The following EPS15L1 variants were observed in gnomAD, a reference collection of about 807,000 sequenced individuals.
The protein encoded by EPS15L1 is epidermal growth factor receptor pathway substrate 15 like 1, also known as epidermal growth factor receptor substrate 15-like 1.
In EPS15L1, 43 loss-of-function variants were observed where a neutral mutation model predicts 117.1. The observed-to-expected ratio is 0.37, with a 90% CI of 0.29 to 0.47. The LOEUF (loss-of-function observed/expected upper bound fraction) is 0.47. Among genes scored for constraint, EPS15L1 ranks in the 20% least tolerant of loss-of-function variants. The pLI is 0.99. For missense variants in EPS15L1, 981 were observed against 1,164.0 expected, an observed-to-expected ratio of 0.84 and a Z score of 2.29; for synonymous variants, 459 against 470.5, an observed-to-expected ratio of 0.98 and a Z score of 0.32.
rs149857110 is a variant in EPS15L1 at position 16,429,017 on chromosome 19, T to C, written c.499-256A>G. Among the ~76,000 whole-genome samples, 947 of 152,238 alleles carry C rather than the reference T, an allele frequency of 6.2e-3. 8 individuals are homozygous for C. Among genetic ancestry groups the C allele is most frequent in the African/African-American group, 0.022 (900 of 41,530 alleles). ...TATAAGATTATAAGTTTAAAGGCTA[T>C]ACTTTAAACTTACCCTGAGTTTCTT... On this transcript the variant is annotated intron_variant, in intron 7 of 23. Transcript: ENST00000455140.
At chr19:16,430,434 A>T (rs2092915959) in intron 7 of EPS15L1, among the ~76,000 whole-genome samples, 2 of 152,082 alleles carry the variant, frequency 1.3e-5, no homozygotes, top group African/African-American at 4.8e-5. Context: ...TGACTTCCCA[A>T]CCACCCTGAA....
chr19:16,377,007 CCA>C, intron 22 of EPS15L1, 113 bp downstream of exon 22: 2 of 1,350,712 alleles, frequency 1.5e-6, no homozygotes, highest in Non-Finnish European at 2.0e-6. Flanking sequence ...CTCTTGCTCC[CCA>C]CACAGGGTCC....
intron 7 of EPS15L1, among the ~76,000 whole-genome samples, chr19:16,433,535 G>C (rs1045729089): frequency 2.6e-5 from 4 of 152,128 alleles, no homozygotes; most frequent in Non-Finnish European, 5.9e-5. Flanking sequence ...GTAATTAATA[G>C]TAGAAAAGAG....
intron 1 of EPS15L1, among the ~76,000 whole-genome samples, chr19:16,462,458 C>T (rs144224124): frequency 0.012 from 1,777 of 152,232 alleles, 34 homozygotes; most frequent in African/African-American, 0.041. Context: ...GCCAGGAGTT[C>T]GAGACCAGCC....
In EPS15L1 at chr19:16,393,979, G is replaced by A. The variant is rs1192116962; in HGVS notation, c.1938C>T (p.Pro646=). The change falls in exon 18 of 24, where the codon CCC becomes CCT. Residue 646 remains proline (P), a synonymous_variant. Coordinates refer to ENST00000455140, the MANE Select transcript of EPS15L1 (RefSeq NM_001258374.3). ...TTGAAGTTGTCTGCTGTTCTGCAAA[G>A]GGGTCATTCTGGAACGGGTCGCCTG... is the stretch of plus-strand genomic sequence containing the variant. ...PFKGDPFQND[P]FAEQQTTSTD... is the part of the protein sequence containing the mutation. 5 of 1,614,100 alleles carry A rather than the reference G, an allele frequency of 3.1e-6. No homozygotes were observed. The East Asian group carries it at 8.9e-5, about 29-fold the overall frequency.
chr19:16,397,268 T>A (rs962331657), intron 16 of EPS15L1, among the ~76,000 whole-genome samples: 1 of 151,938 alleles, frequency 6.6e-6, no homozygotes, highest in African/African-American at 2.4e-5. Flanking sequence ...TTTTGTATTT[T>A]TAGTAGAGAT....
intron 18 of EPS15L1, 130 bp from the exon 19 acceptor site, chr19:16,392,570 A>G: frequency 1.1e-6 from 1 of 908,688 alleles, no homozygotes. Context: ...GACGGAAAAC[A>G]GGATAATGGT....
At chr19:16,463,388 C>A (rs534131861) in intron 1 of EPS15L1, among the ~76,000 whole-genome samples, 3 of 152,144 alleles carry the variant, frequency 2.0e-5, no homozygotes, top group Non-Finnish European at 4.4e-5. Context: ...TCCTTTCACC[C>A]CCAGCCCTTT....
At chr19:16,428,553 A>AAAGGAAAAGAAAGGAAAAGG in intron 8 of EPS15L1, 149 bp downstream of exon 8, 1 of 471,358 alleles carries the variant, frequency 2.1e-6, no homozygotes, top group Non-Finnish European at 3.8e-6. Context: ...GACAGAAAAG[A>AAAGGAAAAGAAAGGAAAAGG]AAGGAAAAGA....
chr19:16,459,085 GTATCTAAACA>G (rs1169162254), intron 1 of EPS15L1, among the ~76,000 whole-genome samples: 1 of 152,200 alleles, frequency 6.6e-6, no homozygotes, highest in Non-Finnish European at 1.5e-5. Context: ...AAGTAGCTGC[GTATCTAAACA>G]TATCTAAACA....
rs756259479 is a variant in EPS15L1 at position 16,462,125 on chromosome 19, G to T, written c.33+9788C>A. Among the ~76,000 whole-genome samples, 11 of 152,312 alleles carry T rather than the reference G, an allele frequency of 7.2e-5. No individual in the cohort carries two copies. The South Asian group carries it at 1.7e-3, about 23-fold the overall frequency. ...ATTCAGACGCCTGTTCTCCATGGGG[G>T]TCTGACCAGTTGTTTTACCTCTCTC... On this transcript the variant is annotated intron_variant, in intron 1 of 23. Transcript: ENST00000455140.
chr19:16,437,258 T>A (rs1427317057), intron 5 of EPS15L1, among the ~76,000 whole-genome samples: 1 of 152,130 alleles, frequency 6.6e-6, no homozygotes, highest in Non-Finnish European at 1.5e-5. Flanking sequence ...AGGGTGGAAA[T>A]AACCCACATG....
At chr19:16,439,075 T>G (rs1320280146) in intron 4 of EPS15L1, among the ~76,000 whole-genome samples, 2 of 117,662 alleles carry the variant, frequency 1.7e-5, no homozygotes, top group African/African-American at 5.7e-5. Context: ...TTTTTTTCTG[T>G]TTTTTTTTTT....
At chr19:16,421,131 G>A (rs2092809770) in intron 10 of EPS15L1, among the ~76,000 whole-genome samples, 188 bp downstream of exon 10, 1 of 152,242 alleles carries the variant, frequency 6.6e-6, no homozygotes. Context: ...GTCACGGAGC[G>A]CGGGCTTCGA....
chr19:16,363,255 C>G (rs571800989), intron 22 of EPS15L1, among the ~76,000 whole-genome samples: 1 of 152,202 alleles, frequency 6.6e-6, no homozygotes, highest in African/African-American at 2.4e-5. Context: ...ATATGCAACA[C>G]GATTCCGGCG....
chr19:16,364,962 C>T (rs1179655269), intron 22 of EPS15L1, among the ~76,000 whole-genome samples: 3 of 152,246 alleles, frequency 2.0e-5, no homozygotes, highest in East Asian at 1.9e-4. Context: ...GGGCTTCTCC[C>T]GCTTGGGGAT....
At chr19:16,360,544 C>T (rs1356922285) in intron 23 of EPS15L1, among the ~76,000 whole-genome samples, 3 of 151,640 alleles carry the variant, frequency 2.0e-5, no homozygotes, top group Non-Finnish European at 4.4e-5. Flanking sequence ...GAGTTCCAGA[C>T]CAGCCCAGGC....
intron 16 of EPS15L1, among the ~76,000 whole-genome samples, chr19:16,396,222 G>A (rs769003506): frequency 1.4e-4 from 21 of 152,224 alleles, no homozygotes; most frequent in Non-Finnish European, 2.9e-4. Flanking sequence ...ACTAACAGGA[G>A]GAACTGGGTG....
At chr19:16,449,922 T>G (rs2093123523) in intron 1 of EPS15L1, among the ~76,000 whole-genome samples, 2 of 152,122 alleles carry the variant, frequency 1.3e-5, no homozygotes, top group African/African-American at 4.8e-5. Flanking sequence ...ACTGAATAAT[T>G]CCATCACATA....
Sources: allele counts gnomAD v4.1 joint callset (sites outside exome capture counted in the v4.1 genomes callset), GRCh38; gene constraint gnomAD v4.1.1; transcripts MANE v1.5; gene names NCBI Gene and HGNC (gene_info 2026-07-23, HGNC 2026-07-21).